MAGI2: variants seen among roughly 807,000 people sequenced by gnomAD.
MAGI2 encodes the protein membrane associated guanylate kinase, WW and PDZ domain containing 2.
A neutral mutation model predicts 133.3 loss-of-function variants in MAGI2; 35 were observed. The ratio of observed to expected loss-of-function variants is 0.26; its 90% confidence interval spans 0.20 to 0.35. MAGI2 has a LOEUF of 0.35. Ranked by LOEUF, MAGI2 falls within the 10% of genes least tolerant of loss-of-function variation. MAGI2 has a pLI of 1.00. For synonymous variants in MAGI2, 729 were observed against 710.6 expected, an observed-to-expected ratio of 1.03 and a Z score of -0.41; for missense variants, 1,636 against 1,863.4, an observed-to-expected ratio of 0.88 and a Z score of 2.25.
At chr7:79,148,297 A>G (rs1174343693) in intron 1 of MAGI2, among the ~76,000 whole-genome samples, 1 of 152,114 alleles carries the variant, frequency 6.6e-6, no homozygotes. Context: ...AGAAAGACCT[A>G]CAGGAATGCC....
At position 78,856,057 on chromosome 7, in the gene MAGI2, G is replaced by A. The variant is rs1025378800; in HGVS notation, c.418+151033C>T. On this transcript the variant is annotated intron_variant, in intron 2 of 21. Transcript: ENST00000354212. ...TGGCTGCATAAATGTCTTCTTTTGA[G>A]AAGTGTCTGTTCATATCCTTTGCAC... Among the ~76,000 whole-genome samples the A allele has an allele frequency of 2.6e-5, 4 of 152,296 alleles. No homozygotes were observed. In the South Asian group the frequency reaches 6.2e-4, roughly 24 times the overall value.
chr7:78,806,174 C>G (rs1262523493), intron 2 of MAGI2, among the ~76,000 whole-genome samples: 4 of 151,980 alleles, frequency 2.6e-5, no homozygotes, highest in African/African-American at 4.8e-5. Flanking sequence ...AGCTTTGAGT[C>G]TTAATGCAGA....
chr7:78,735,700 T>C (rs1821783500), intron 2 of MAGI2, among the ~76,000 whole-genome samples: 1 of 152,208 alleles, frequency 6.6e-6, no homozygotes, highest in Non-Finnish European at 1.5e-5. Flanking sequence ...TGAGTTCTGA[T>C]TTATTTTCCT....
At chr7:78,791,725 T>C (rs1415972994) in intron 2 of MAGI2, among the ~76,000 whole-genome samples, 1 of 151,892 alleles carries the variant, frequency 6.6e-6, no homozygotes, top group Non-Finnish European at 1.5e-5. Flanking sequence ...AATTTTTGTG[T>C]TTTTAGTAGA....
At chr7:78,981,241 C>A (rs1045863123) in intron 2 of MAGI2, among the ~76,000 whole-genome samples, 1 of 151,524 alleles carries the variant, frequency 6.6e-6, no homozygotes, top group Admixed American at 6.6e-5. Flanking sequence ...TACCTAGTGT[C>A]TCCTTCTAGA....
intron 1 of MAGI2, among the ~76,000 whole-genome samples, chr7:79,428,138 G>C (rs894378845): frequency 2.0e-5 from 3 of 152,056 alleles, no homozygotes; most frequent in Non-Finnish European, 4.4e-5. Context: ...GAAGAAGTAG[G>C]GCATACATGT....
intron 1 of MAGI2, among the ~76,000 whole-genome samples, chr7:79,391,558 TATATAC>T (rs200305756): frequency 1.6e-4 from 11 of 70,502 alleles, no homozygotes; most frequent in South Asian, 1.1e-3. Context: ...TATATATATA[TATATAC>T]ACACTTTACT....
In MAGI2 at chr7:79,182,809, T is replaced by C. The variant is rs570842624; in HGVS notation, c.302-175603A>G. Among the ~76,000 whole-genome samples the C allele has an allele frequency of 1.2e-3, 177 of 152,034 alleles. 2 individuals are homozygous for C. Among genetic ancestry groups the C allele is most frequent in the African/African-American group, 4.1e-3 (171 of 41,396 alleles). On this transcript the variant is annotated intron_variant, in intron 1 of 21. Coordinates refer to ENST00000354212, the MANE Select transcript of MAGI2 (RefSeq NM_012301.4). ...ATTTAAATGTCCATCAACACTTGAA[T>C]GGATAAAGATAAATGGATAAAGAAA...
intron 1 of MAGI2, among the ~76,000 whole-genome samples, chr7:79,276,420 G>T (rs1835231150): frequency 1.3e-5 from 2 of 152,160 alleles, no homozygotes; most frequent in Admixed American, 1.3e-4. Context: ...CAATTTTGAT[G>T]CAAGAGCCTC....
intron 1 of MAGI2, among the ~76,000 whole-genome samples, chr7:79,307,927 G>A (rs1837951902): frequency 6.6e-6 from 1 of 152,176 alleles, no homozygotes; most frequent in Admixed American, 6.5e-5. Flanking sequence ...TGTAAGGCTA[G>A]TTCAGTCTTT....
chr7:78,381,013 T>G (rs1431582659), intron 6 of MAGI2, among the ~76,000 whole-genome samples: 2 of 152,112 alleles, frequency 1.3e-5, no homozygotes, highest in African/African-American at 4.8e-5. Context: ...AGATTTTTGG[T>G]CAATTTACCA....
At chr7:79,404,653 G>A (rs889110859) in intron 1 of MAGI2, among the ~76,000 whole-genome samples, 6 of 152,020 alleles carry the variant, frequency 3.9e-5, no homozygotes, top group African/African-American at 1.4e-4. Context: ...ACCACCCTTA[G>A]ACCCAGGCCC....
intron 1 of MAGI2, among the ~76,000 whole-genome samples, chr7:79,353,130 A>T (rs1841795252): frequency 6.6e-6 from 1 of 152,108 alleles, no homozygotes; most frequent in Admixed American, 6.5e-5. Context: ...TTGGGCTATG[A>T]CTTGCAACAG....
At chr7:78,887,060 T>G (rs1455081687) in intron 2 of MAGI2, among the ~76,000 whole-genome samples, 1 of 152,180 alleles carries the variant, frequency 6.6e-6, no homozygotes, top group Admixed American at 6.5e-5. Flanking sequence ...AATTGTAAGT[T>G]TCGTGAGGCC....
intron 6 of MAGI2, among the ~76,000 whole-genome samples, chr7:78,452,390 C>T (rs1412844017): frequency 6.6e-6 from 1 of 151,994 alleles, no homozygotes; most frequent in Admixed American, 6.6e-5. Flanking sequence ...AACTGTGGAG[C>T]ACAGTATGAA....
intron 9 of MAGI2, among the ~76,000 whole-genome samples, chr7:78,301,729 C>G (rs1228731176): frequency 6.6e-6 from 1 of 152,178 alleles, no homozygotes; most frequent in Non-Finnish European, 1.5e-5. Flanking sequence ...GCATCCAATA[C>G]CAATCTCAGC....
chr7:78,623,741 T>C (rs960544175), intron 3 of MAGI2, among the ~76,000 whole-genome samples: 1 of 152,134 alleles, frequency 6.6e-6, no homozygotes, highest in Non-Finnish European at 1.5e-5. Flanking sequence ...ATTGAGTTCT[T>C]GAATAACTAC....
intron 7 of MAGI2, among the ~76,000 whole-genome samples, chr7:78,364,839 C>T (rs1793207683): frequency 6.6e-6 from 1 of 152,230 alleles, no homozygotes; most frequent in African/African-American, 2.4e-5. Flanking sequence ...ATTTTCCTAT[C>T]TTTATGAACA....
chr7:78,516,845 A>G (rs971014579), intron 4 of MAGI2, among the ~76,000 whole-genome samples: 1 of 152,254 alleles, frequency 6.6e-6, no homozygotes, highest in Non-Finnish European at 1.5e-5. Context: ...TGTGCCTAAT[A>G]AACAATACCA....
Sources: gnomAD v4.1 joint callset for allele counts (sites outside exome capture counted in the v4.1 genomes callset) on GRCh38, gnomAD v4.1.1 for gene constraint, MANE v1.5 for transcripts, NCBI Gene and HGNC (gene_info 2026-07-23, HGNC 2026-07-21) for gene names.